Variants in TNFRSF25 observed in about 807,000 individuals in gnomAD.
TNFRSF25 encodes TNF receptor superfamily member 25, also known as tumor necrosis factor receptor superfamily member 25.
TNFRSF25 carries 28 observed loss-of-function variants against 49.4 expected under a neutral mutation model. That is an observed-to-expected ratio of 0.57 (90% CI 0.42 to 0.78). TNFRSF25 has a LOEUF of 0.78. Ranked by LOEUF, TNFRSF25 falls within the 30% of genes least tolerant of loss-of-function variation. The probability of loss-of-function intolerance (pLI) is 0.00; values close to 1 mark genes in which losing one functional copy is unlikely to be tolerated. For synonymous variants in TNFRSF25, 240 were observed against 234.2 expected (o/e 1.02, Z -0.23); for missense variants, 531 against 581.6 (o/e 0.91, Z 0.90).
At chr1:6,464,945 A>G in intron 3 of TNFRSF25, 143 bp downstream of exon 3, 1 of 1,342,488 alleles carries the variant, frequency 7.4e-7, no homozygotes, top group Non-Finnish European at 1.0e-6. Context: ...GGGCAAGGGC[A>G]CCCTGAAGGA....
chr1:6,461,829 G>GT lies in TNFRSF25; in HGVS notation c.926-68dup. On this transcript the variant is annotated intron_variant, in intron 9 of 9. Transcript: ENST00000356876. This position sits in a 1 kb window ranked among gnomAD's most constrained non-coding sequence, Gnocchi z 6.3. ...GCGGTCGGGAGGCAGAGTCAGGGGC[G>GT]TTCGTGCGGGTACCCCAGGGCTGAA... 1 of 1,457,858 alleles carries GT rather than the reference G, an allele frequency of 6.9e-7. No homozygotes were observed. Among genetic ancestry groups the GT allele is most frequent in the African/African-American group, 1.4e-5 (1 of 70,992 alleles). 90.3% of individuals were successfully genotyped at this position (1,457,858 alleles called of 1,614,324 possible).
At chr1:6,463,725 C>CAAAAAAAAA (rs55660538) in intron 5 of TNFRSF25, 13 of 27,590 alleles carry the variant, frequency 4.7e-4, no homozygotes, top group African/African-American at 1.5e-3. Context: ...GTCTCCATCT[C>CAAAAAAAAA]AAAAAAAAAA....
rs1485038951 is a variant in TNFRSF25 at position 6,462,552 on chromosome 1, C to T, written c.744+77G>A. 1 of 1,568,598 alleles carries T rather than the reference C, an allele frequency of 6.4e-7. No individual in the cohort carries two copies. Among genetic ancestry groups the T allele is most frequent in the African/African-American group, 1.4e-5 (1 of 73,354 alleles). ...GGGCTACCCGGTGCTGGCCGCGTGC[C>T]AAGCTCCAGGGATCATAGTAAGGCT... is the stretch of plus-strand genomic sequence containing the variant. On this transcript the variant is annotated intron_variant, in intron 8 of 9. Transcript: ENST00000356876. This position sits in a 1 kb window ranked among gnomAD's most constrained non-coding sequence, Gnocchi z 4.2.
At chr1:6,465,772 T>TC in intron 1 of TNFRSF25, 1 of 1,427,044 alleles carries the variant, frequency 7.0e-7, no homozygotes, top group African/African-American at 1.4e-5. Flanking sequence ...TACCAGCCCC[T>TC]CACAAGTTTC....
Position 6,460,826 on chromosome 1 carries a change from G to C in TNFRSF25, c.*608C>G. The stretch of plus-strand genomic sequence containing the variant: ...GGGACCCTTTCACTGCCCCGGTGGA[G>C]TGAATAGAGGATGAGGGGCCCTGAC... On this transcript the variant is annotated 3_prime_UTR_variant, in exon 10 of 10. Coordinates refer to ENST00000356876, the MANE Select transcript of TNFRSF25 (RefSeq NM_003790.3). 4.3e-6 allele frequency: 1 copy of C among 234,104 alleles called. No homozygotes were observed. The highest frequency in any genetic ancestry group is 5.2e-5 in the South Asian group (1 of 19,062). The allele number at this position is 234,104 out of a possible 1,614,324, so 14.5% of individuals were successfully genotyped here. A position where few individuals can be genotyped will look rare whatever the true frequency, so the allele number is the denominator to read the frequency against.
In TNFRSF25 at chr1:6,461,657, G is replaced by C; in HGVS notation, c.1031C>G (p.Ala344Gly). 1 of 1,601,240 alleles carries C rather than the reference G, an allele frequency of 6.2e-7. No homozygotes were observed. The highest frequency in any genetic ancestry group is 1.1e-5 in the South Asian group (1 of 90,472). The change falls in exon 10 of 10, where the codon GCG becomes GGG. Residue 344 changes from alanine to glycine, a missense_variant. Physicochemically the swap from Ala to Gly is moderately conservative, Grantham distance 60. Transcript: ENST00000356876. This position sits in a 1 kb window ranked among gnomAD's most constrained non-coding sequence, Gnocchi z 6.3. ...GCGCACGAACTCCTTCCAGCGCCGC[G>C]CTGGGACCGCGTCCATCACGTCGTA... ...QLYDVMDAVP[A>G]RRWKEFVRTL...
In TNFRSF25 at chr1:6,461,430, C is replaced by T. The variant is rs774114984; in HGVS notation, c.*4G>A. The T allele has an allele frequency of 1.3e-6, 2 of 1,496,306 alleles. No individual in the cohort carries two copies. Among genetic ancestry groups the T allele is most frequent in the East Asian group, 2.4e-5 (1 of 41,060 alleles). The allele number at this position is 1,496,306 out of a possible 1,614,324, so 92.7% of individuals were successfully genotyped here. On this transcript the variant is annotated 3_prime_UTR_variant, in exon 10 of 10. Coordinates refer to ENST00000356876, the MANE Select transcript of TNFRSF25 (RefSeq NM_003790.3). The surrounding 1 kb of genome is among the most constrained non-coding windows in gnomAD (Gnocchi z 6.3). ...GAGCGCCTAGGTGGCAAGTGGGCGC[C>T]GTGTCACGGGCCGCGCTGCAGGCGG...
In TNFRSF25 at chr1:6,462,859, T is replaced by C. The variant is rs1342507112; in HGVS notation, c.706+4A>G. 6.2e-7 allele frequency: 1 copy of C among 1,605,172 alleles called. No homozygotes were observed. ...TGGGTGCGTGTGTGGGTGTGTGTACTTACCAGTAACCAGGGGCTTGTGAGG... is the reference window on the plus strand; with the variant it reads ...TGGGTGCGTGTGTGGGTGTGTGTACCTACCAGTAACCAGGGGCTTGTGAGG... On this transcript the variant is annotated splice_donor_region_variant and intron_variant, in intron 7 of 9. Transcript: ENST00000356876. The surrounding 1 kb of genome is among the most constrained non-coding windows in gnomAD (Gnocchi z 4.2).
Position 6,462,365 on chromosome 1 carries a change from G to T in TNFRSF25, c.745-191C>A. The T allele has an allele frequency of 1.8e-6, 2 of 1,133,438 alleles. No homozygotes were observed. Among genetic ancestry groups the T allele is most frequent in the Non-Finnish European group, 2.4e-6 (2 of 825,052 alleles). The allele number at this position is 1,133,438 out of a possible 1,614,324, so 70.2% of individuals were successfully genotyped here. On this transcript the variant is annotated intron_variant, in intron 8 of 9. Transcript: ENST00000356876. This position sits in a 1 kb window ranked among gnomAD's most constrained non-coding sequence, Gnocchi z 4.2. ...CTTCTGCCTTGAGTCCCCTGCCCCC[G>T]CCTCCTTCCTCTTGTCCCCCAGCAC...
In TNFRSF25 at chr1:6,462,772, A is replaced by G; in HGVS notation, c.706+91T>C. On this transcript the variant is annotated intron_variant, in intron 7 of 9. Transcript: ENST00000356876. The surrounding 1 kb of genome is among the most constrained non-coding windows in gnomAD (Gnocchi z 4.2). ...CTCTGCACCCCACACTCCCTGCCTCAGTTTCCCCTTCTGTATCAGGGTTGA... is the reference window on the plus strand; with the variant it reads ...CTCTGCACCCCACACTCCCTGCCTCGGTTTCCCCTTCTGTATCAGGGTTGA... 1 of 1,572,056 alleles carries G rather than the reference A, an allele frequency of 6.4e-7. No homozygotes were observed. The highest frequency in any genetic ancestry group is 8.6e-7 in the Non-Finnish European group (1 of 1,157,682).
In TNFRSF25 at chr1:6,462,554, A is replaced by G. The variant is rs1644208756; in HGVS notation, c.744+75T>C. On this transcript the variant is annotated intron_variant, in intron 8 of 9. Transcript: ENST00000356876. The surrounding 1 kb of genome is among the most constrained non-coding windows in gnomAD (Gnocchi z 4.2). ...GCTACCCGGTGCTGGCCGCGTGCCA[A>G]GCTCCAGGGATCATAGTAAGGCTTG... is the stretch of plus-strand genomic sequence containing the variant. 5.1e-6 allele frequency: 8 copies of G among 1,569,726 alleles called. 1 individual carries two copies. The South Asian group carries it at 6.0e-5, about 12-fold the overall frequency.
In TNFRSF25 at chr1:6,464,452, A is replaced by T; in HGVS notation, c.465T>A (p.Cys155Ter). 1 of 1,611,596 alleles carries T rather than the reference A, an allele frequency of 6.2e-7. No homozygotes were observed. The highest frequency in any genetic ancestry group is 8.5e-7 in the Non-Finnish European group (1 of 1,179,024). ...GALHRHTRLL[C>*]SRRDTDCGTC... ...TCCCACAGTCAGTATCTCTGCGGGA[A>T]CCTGCAATCCAGGAGAGGCATGCGT... is the stretch of plus-strand genomic sequence containing the variant. The change falls in exon 5 of 10, where the codon TGT (cysteine) becomes TGA (stop). Residue 155 changes from cysteine to a stop codon, truncating the protein, a stop_gained and splice_region_variant. Transcript: ENST00000356876. LOFTEE classifies it high-confidence loss of function.
rs1443415272 is a variant in TNFRSF25, at chr1:6,462,866, T to C, written c.703A>G (p.Thr235Ala). 6.2e-7 allele frequency: 1 copy of C among 1,606,780 alleles called. No homozygotes were observed. Among genetic ancestry groups the C allele is most frequent in the Admixed American group, 1.7e-5 (1 of 58,842 alleles). Residue 235 changes from threonine (T) to alanine (A), a missense_variant, in exon 7 of 10, where the codon ACT becomes GCT. Physicochemically the swap from Thr to Ala is moderately conservative, Grantham distance 58 (BLOSUM62 0). Transcript: ENST00000356876. This position sits in a 1 kb window ranked among gnomAD's most constrained non-coding sequence, Gnocchi z 4.2. Reference protein sequence around the residue: ...RHCWPHKPLVTADEAGMEALT... With the variant: ...RHCWPHKPLVAADEAGMEALT... ...GTGTGTGGGTGTGTGTACTTACCAG[T>C]AACCAGGGGCTTGTGAGGCCAGCAG...
rs769934810 is a variant in TNFRSF25, at chr1:6,464,706, C to A, written c.309G>T (p.Ala103=). The A allele has an allele frequency of 1.2e-6, 2 of 1,612,942 alleles. No homozygotes were observed. Among genetic ancestry groups the A allele is most frequent in the Non-Finnish European group, 1.7e-6 (2 of 1,179,300 alleles). Reference sequence around the variant, plus strand: ...CGGCCACTGCTGAACAGTTCTCCAGCGCCACCTGGGAGGCTGGTGGGGGTG... The same window carrying A: ...CGGCCACTGCTGAACAGTTCTCCAGAGCCACCTGGGAGGCTGGTGGGGGTG... ...QACDEQASQV[A]LENCSAVADT... Residue 103 remains alanine, a synonymous_variant, in exon 4 of 10, where the codon GCG becomes GCT. Transcript: ENST00000356876.
intron 1 of TNFRSF25, chr1:6,465,826 C>T: frequency 4.9e-6 from 7 of 1,425,034 alleles, no homozygotes; most frequent in Non-Finnish European, 9.1e-7. Context: ...CACCCCCACC[C>T]ATGCTTTCTG....
Position 6,462,764 on chromosome 1 carries a change from C to T in TNFRSF25, c.707-98G>A. The T allele has an allele frequency of 1.3e-6, 2 of 1,574,920 alleles. No individual in the cohort carries two copies. Among genetic ancestry groups the T allele is most frequent in the Non-Finnish European group, 1.7e-6 (2 of 1,159,302 alleles). The stretch of plus-strand genomic sequence containing the variant: ...TAGGGTTCCTCTGCACCCCACACTC[C>T]CTGCCTCAGTTTCCCCTTCTGTATC... On this transcript the variant is annotated intron_variant, in intron 7 of 9. Transcript: ENST00000356876. The surrounding 1 kb of genome is among the most constrained non-coding windows in gnomAD (Gnocchi z 4.2).
In TNFRSF25 at chr1:6,461,584, G is replaced by T; in HGVS notation, c.1104C>A (p.Ile368=). The T allele has an allele frequency of 6.2e-7, 1 of 1,610,522 alleles. No homozygotes were observed. Among genetic ancestry groups the T allele is most frequent in the East Asian group, 2.2e-5 (1 of 44,844 alleles). The change falls in exon 10 of 10, where the codon ATC becomes ATA. Residue 368 remains isoleucine (I), a synonymous_variant. Transcript: ENST00000356876. The surrounding 1 kb of genome is among the most constrained non-coding windows in gnomAD (Gnocchi z 6.3). ...CGTACTGCTGGTCTCGGAAGCGGCC[G>T]ATCTCCACCTCCACGGCTTCGATCT... is the stretch of plus-strand genomic sequence containing the variant. ...EAEIEAVEVE[I]GRFRDQQYEM... is the part of the protein sequence containing the mutation.
In TNFRSF25 at chr1:6,462,172, G is replaced by A. The variant is rs1233776637; in HGVS notation, c.747C>T (p.Ala249=). ...AGMEALTPPP[A]THLSPLDSAH... is the part of the protein sequence containing the mutation. Reference sequence around the variant, plus strand: ...CGCTGTCCAAGGGTGACAGATGGGTGGCCTGGAAGCCAAGAGGGGCCCCAG... The same window carrying A: ...CGCTGTCCAAGGGTGACAGATGGGTAGCCTGGAAGCCAAGAGGGGCCCCAG... The change falls in exon 9 of 10, where the codon GCC becomes GCT. Residue 249 remains alanine (A), a splice_region_variant and synonymous_variant. Coordinates refer to ENST00000356876, the MANE Select transcript of TNFRSF25 (RefSeq NM_003790.3). The surrounding 1 kb of genome is among the most constrained non-coding windows in gnomAD (Gnocchi z 4.2). 6.3e-7 allele frequency: 1 copy of A among 1,598,648 alleles called. No individual in the cohort carries two copies. Among genetic ancestry groups the A allele is most frequent in the African/African-American group, 1.3e-5 (1 of 74,348 alleles).
chr1:6,464,761 G>A (rs767903557), intron 3 of TNFRSF25, 42 bp from the exon 4 acceptor site: 2 of 1,599,488 alleles, frequency 1.3e-6, no homozygotes, highest in East Asian at 2.2e-5. Context: ...GAGTTAGTCA[G>A]GGCCAAAGGC....
Sources: allele counts gnomAD v4.1 joint callset, GRCh38; gene constraint gnomAD v4.1.1; non-coding constraint Gnocchi (gnomAD v3.1); transcripts MANE v1.5; gene names NCBI Gene and HGNC (gene_info 2026-07-23, HGNC 2026-07-21).